Variants in NPAS3 observed in about 807,000 individuals in gnomAD.
NPAS3 encodes neuronal PAS domain-containing protein 3.
NPAS3 carries 14 observed loss-of-function variants against 73.1 expected under a neutral mutation model. That is an observed-to-expected ratio of 0.19 (90% CI 0.13 to 0.30). The LOEUF is 0.30. NPAS3 is among the 10% of genes least tolerant of loss of function. The probability of loss-of-function intolerance (pLI) is 1.00; values close to 1 mark genes in which losing one functional copy is unlikely to be tolerated. For synonymous variants in NPAS3, 620 were observed against 541.5 expected, an observed-to-expected ratio of 1.14 and a Z score of -2.01; for missense variants, 1,096 against 1,250.0, an observed-to-expected ratio of 0.88 and a Z score of 1.86.
chr14:33,602,231 G>A (rs978801938), intron 5 of NPAS3, among the ~76,000 whole-genome samples: 1 of 152,192 alleles, frequency 6.6e-6, no homozygotes, highest in Non-Finnish European at 1.5e-5. Context: ...AGGCAAGGCT[G>A]GGGGAAGAGC....
At chr14:33,513,761 T>A (rs1269332517) in intron 4 of NPAS3, among the ~76,000 whole-genome samples, 1 of 151,708 alleles carries the variant, frequency 6.6e-6, no homozygotes, top group Non-Finnish European at 1.5e-5. Flanking sequence ...TTGACTCCTA[T>A]GATTTGCTGC....
At chr14:33,412,586 G>T (rs1486626215) in intron 4 of NPAS3, among the ~76,000 whole-genome samples, 1 of 152,004 alleles carries the variant, frequency 6.6e-6, no homozygotes, top group Admixed American at 6.6e-5. Context: ...TTATTCCAAG[G>T]TGATTTACCA....
chr14:33,679,536 C>T (rs768154185), intron 6 of NPAS3, among the ~76,000 whole-genome samples: 6 of 152,134 alleles, frequency 3.9e-5, no homozygotes, highest in Non-Finnish European at 5.9e-5. Context: ...ATCTCTTGAA[C>T]TCTGATAAAA....
intron 2 of NPAS3, among the ~76,000 whole-genome samples, chr14:33,118,753 C>A (rs2043142521): frequency 2.0e-5 from 3 of 151,976 alleles, no homozygotes. Context: ...GTAGTTGGAC[C>A]TTTTTGCTGT....
chr14:33,025,797 T>C (rs1046803919), intron 1 of NPAS3, among the ~76,000 whole-genome samples: 1 of 152,132 alleles, frequency 6.6e-6, no homozygotes, highest in African/African-American at 2.4e-5. Context: ...TCTGCCATGA[T>C]TGTAAGTTTC....
chr14:33,068,737 T>C (rs568383763), intron 2 of NPAS3, among the ~76,000 whole-genome samples: 1 of 152,192 alleles, frequency 6.6e-6, no homozygotes, highest in East Asian at 1.9e-4. Flanking sequence ...AAGATGACAT[T>C]TGAGCAATGA....
chr14:33,391,393 A>G (rs1285120623), intron 4 of NPAS3, among the ~76,000 whole-genome samples: 2 of 151,984 alleles, frequency 1.3e-5, no homozygotes, highest in Non-Finnish European at 2.9e-5. Flanking sequence ...GGGTTTCTCT[A>G]TGTTGGTTAG....
intron 5 of NPAS3, among the ~76,000 whole-genome samples, chr14:33,674,932 T>G (rs1242377039): frequency 6.6e-6 from 1 of 152,116 alleles, no homozygotes; most frequent in African/African-American, 2.4e-5. Context: ...AGTATTACAG[T>G]CTCTGTGACA....
intron 3 of NPAS3, among the ~76,000 whole-genome samples, chr14:33,282,825 A>T (rs2041684030): frequency 6.6e-6 from 1 of 152,210 alleles, no homozygotes; most frequent in African/African-American, 2.4e-5. Flanking sequence ...ACACCATCAC[A>T]TATGCAGACG....
intron 10 of NPAS3, among the ~76,000 whole-genome samples, chr14:33,796,011 G>C (rs998891592): frequency 6.6e-6 from 1 of 152,218 alleles, no homozygotes; most frequent in South Asian, 2.1e-4. Context: ...CCCCAAAGAA[G>C]ACTAAGGTAG....
chr14:33,673,585 C>T (rs2059672015), intron 5 of NPAS3, among the ~76,000 whole-genome samples: 1 of 152,200 alleles, frequency 6.6e-6, no homozygotes, highest in Admixed American at 6.5e-5. Context: ...GATTACTTCT[C>T]ACAAAGTGAT....
At chr14:33,424,108 C>T (rs1186137023) in intron 4 of NPAS3, among the ~76,000 whole-genome samples, 1 of 151,278 alleles carries the variant, frequency 6.6e-6, no homozygotes, top group Non-Finnish European at 1.5e-5. Flanking sequence ...GCAAATGGTG[C>T]CACATGAGCA....
At chr14:33,012,741 A>C (rs1046846111) in intron 1 of NPAS3, among the ~76,000 whole-genome samples, 1 of 152,036 alleles carries the variant, frequency 6.6e-6, no homozygotes, top group Non-Finnish European at 1.5e-5. Flanking sequence ...GTAGAGACGG[A>C]GTTTCACTGT....
At chr14:33,292,817 T>C (rs1045736833) in intron 3 of NPAS3, among the ~76,000 whole-genome samples, 1 of 152,196 alleles carries the variant, frequency 6.6e-6, no homozygotes, top group Non-Finnish European at 1.5e-5. Flanking sequence ...ATAATCCCCA[T>C]GTATTCTTGT....
At chr14:33,142,414 T>A (rs914270927) in intron 2 of NPAS3, among the ~76,000 whole-genome samples, 2 of 152,104 alleles carry the variant, frequency 1.3e-5, no homozygotes, top group African/African-American at 4.8e-5. Context: ...ATATAGTGGG[T>A]TCTAAAAGGA....
intron 2 of NPAS3, among the ~76,000 whole-genome samples, chr14:33,105,388 G>A (rs537076378): frequency 1.3e-5 from 2 of 152,164 alleles, no homozygotes; most frequent in Admixed American, 6.6e-5. Flanking sequence ...CTACTATGAT[G>A]GTGGCTGCTC....
chr14:33,605,566 T>A (rs2140019139), intron 5 of NPAS3, among the ~76,000 whole-genome samples: 1 of 152,004 alleles, frequency 6.6e-6, no homozygotes, highest in African/African-American at 2.4e-5. Flanking sequence ...TATACAAAAA[T>A]CAAGTATATT....
At chr14:33,732,483 G>A (rs8020686) in intron 6 of NPAS3, among the ~76,000 whole-genome samples, 91,079 of 152,056 alleles carry the variant, frequency 0.6, 28,175 homozygotes, top group African/African-American at 0.77. Flanking sequence ...AGAACCCATG[G>A]CCATGGTGTG....
chr14:33,225,716 T>C (rs2047605958), intron 3 of NPAS3, among the ~76,000 whole-genome samples: 1 of 152,184 alleles, frequency 6.6e-6, no homozygotes, highest in Non-Finnish European at 1.5e-5. Flanking sequence ...GGACAATGCA[T>C]TCTTAGCTTG....
Sources: allele counts gnomAD v4.1 joint callset (sites outside exome capture counted in the v4.1 genomes callset), GRCh38; gene constraint gnomAD v4.1.1; transcripts MANE v1.5; gene names NCBI Gene and HGNC (gene_info 2026-07-23, HGNC 2026-07-21).